The following CDH8 variants were observed in gnomAD, a reference collection of about 807,000 sequenced individuals.
The protein encoded by CDH8 is cadherin-8.
In CDH8, 17 loss-of-function variants were observed where a neutral mutation model predicts 68.1. The observed-to-expected ratio is 0.25, with a 90% CI of 0.17 to 0.37. The LOEUF (loss-of-function observed/expected upper bound fraction) is 0.37, where lower values mean the gene tolerates loss of function less well. Among genes scored for constraint, CDH8 ranks in the 10% least tolerant of loss-of-function variants. The probability of loss-of-function intolerance (pLI) is 1.00; values close to 1 mark genes in which losing one functional copy is unlikely to be tolerated. For missense variants in CDH8, 763 were observed against 999.3 expected (o/e 0.76, Z 3.19); for synonymous variants, 372 against 365.1 (o/e 1.02, Z -0.21).
intron 2 of CDH8, among the ~76,000 whole-genome samples, chr16:61,968,740 G>A (rs898645663): frequency 1.3e-5 from 2 of 152,194 alleles, no homozygotes; most frequent in Admixed American, 6.5e-5. Context: ...TGTCAGGGTT[G>A]GCCCAGGCCC....
chr16:61,847,847 A>G (rs981390490), intron 4 of CDH8, among the ~76,000 whole-genome samples: 20 of 151,384 alleles, frequency 1.3e-4, no homozygotes, highest in African/African-American at 4.9e-4. Flanking sequence ...CTATCAATCA[A>G]TCTGTCTGTC....
intron 2 of CDH8, among the ~76,000 whole-genome samples, chr16:62,004,142 G>T (rs891222998): frequency 6.6e-6 from 1 of 152,170 alleles, no homozygotes. Flanking sequence ...TGTCCAAGGC[G>T]TGAACTGTCT....
chr16:61,775,693 G>GTGTC (rs1006234522), intron 8 of CDH8, among the ~76,000 whole-genome samples: 2 of 152,056 alleles, frequency 1.3e-5, no homozygotes, highest in African/African-American at 2.4e-5. Flanking sequence ...GAGACAAGCT[G>GTGTC]TGTCTGCTAA....
chr16:61,956,055 A>C (rs1274965433), intron 2 of CDH8, among the ~76,000 whole-genome samples: 1 of 152,236 alleles, frequency 6.6e-6, no homozygotes, highest in Non-Finnish European at 1.5e-5. Flanking sequence ...ACTTAACTAC[A>C]TTAGTGTTCA....
intron 2 of CDH8, among the ~76,000 whole-genome samples, chr16:61,983,675 G>A (rs1965575620): frequency 6.6e-6 from 1 of 152,032 alleles, no homozygotes; most frequent in Admixed American, 6.6e-5. Flanking sequence ...TAATTTGCAT[G>A]TCATCTTAGT....
At chr16:61,800,920 T>G (rs574070539) in intron 7 of CDH8, among the ~76,000 whole-genome samples, 2 of 152,296 alleles carry the variant, frequency 1.3e-5, no homozygotes, top group Non-Finnish European at 2.9e-5. Context: ...CCATAAATAT[T>G]TGAACATCAG....
At chr16:61,923,660 G>A (rs1199009914) in intron 2 of CDH8, among the ~76,000 whole-genome samples, 1 of 150,654 alleles carries the variant, frequency 6.6e-6, no homozygotes, top group Non-Finnish European at 1.5e-5. Flanking sequence ...TCCCTGACCA[G>A]AATATTGTCA....
In CDH8 at chr16:61,767,065, T is replaced by C. The variant is rs143349061; in HGVS notation, c.1414+22281A>G. ...CTCTTGAAGAGTATGGAAATATTCA[T>C]ATTCTAAATGATATTTCTTCTGCTA... On this transcript the variant is annotated intron_variant, in intron 8 of 11. Transcript: ENST00000577390. Among the ~76,000 whole-genome samples, 962 of 152,080 alleles carry C rather than the reference T, an allele frequency of 6.3e-3. 9 individuals carry two copies. The highest frequency in any genetic ancestry group is 0.022 in the African/African-American group (926 of 41,544).
At chr16:61,750,072 G>T (rs1404256295) in intron 8 of CDH8, among the ~76,000 whole-genome samples, 1 of 151,936 alleles carries the variant, frequency 6.6e-6, no homozygotes, top group African/African-American at 2.4e-5. Flanking sequence ...CTCCCTCCCA[G>T]CTCTAGTAGT....
chr16:61,972,875 A>G (rs963401055), intron 2 of CDH8, among the ~76,000 whole-genome samples: 1 of 152,204 alleles, frequency 6.6e-6, no homozygotes, highest in Admixed American at 6.5e-5. Flanking sequence ...CAGAGAGAAA[A>G]GCATAACCAT....
Position 61,828,553 on chromosome 16 carries a change from G to C in CDH8, c.668-3374C>G, listed in dbSNP as rs190046917. ...TTTCTTAATTTTTTTAACATTCTAGGCTACCTGGTTCATCTGTCAATTTTT... is the reference window on the plus strand; with the variant it reads ...TTTCTTAATTTTTTTAACATTCTAGCCTACCTGGTTCATCTGTCAATTTTT... On this transcript the variant is annotated intron_variant, in intron 4 of 11. Coordinates refer to ENST00000577390, the MANE Select transcript of CDH8 (RefSeq NM_001796.5). Among the ~76,000 whole-genome samples the C allele has an allele frequency of 1.4e-4, 21 of 151,508 alleles. No homozygotes were observed. The East Asian group carries it at 3.9e-3, about 28-fold the overall frequency.
At chr16:62,019,733 A>G (rs547602456) in intron 2 of CDH8, among the ~76,000 whole-genome samples, 3 of 152,304 alleles carry the variant, frequency 2.0e-5, no homozygotes, top group African/African-American at 7.2e-5. Flanking sequence ...CTTAGGACAG[A>G]GGGAGTGCAG....
chr16:61,755,183 C>G (rs1235508960), intron 8 of CDH8, among the ~76,000 whole-genome samples: 1 of 152,044 alleles, frequency 6.6e-6, no homozygotes, highest in Non-Finnish European at 1.5e-5. Context: ...TAAATTCAGG[C>G]CCAGTGAAGA....
chr16:61,767,785 C>T (rs747457257), intron 8 of CDH8, among the ~76,000 whole-genome samples: 8 of 151,892 alleles, frequency 5.3e-5, no homozygotes, highest in Admixed American at 6.6e-5. Context: ...AGTCACTTAA[C>T]AATAAAGCTA....
At chr16:61,795,812 G>A (rs1961485080) in intron 7 of CDH8, among the ~76,000 whole-genome samples, 1 of 151,996 alleles carries the variant, frequency 6.6e-6, no homozygotes, top group Admixed American at 6.6e-5. Flanking sequence ...CTTACTATAG[G>A]TATCTCCATA....
chr16:61,659,689 C>T (rs1372404355), intron 10 of CDH8, among the ~76,000 whole-genome samples: 3 of 152,090 alleles, frequency 2.0e-5, no homozygotes, highest in Non-Finnish European at 4.4e-5. Flanking sequence ...GCATCATATG[C>T]TCTGCCCTAA....
intron 10 of CDH8, among the ~76,000 whole-genome samples, chr16:61,670,895 A>G (rs1020828768): frequency 6.6e-6 from 1 of 152,084 alleles, no homozygotes; most frequent in African/African-American, 2.4e-5. Flanking sequence ...CACAGTTCTC[A>G]GAACAGTGCA....
intron 8 of CDH8, 107 bp downstream of exon 8, chr16:61,789,239 C>T: frequency 1.0e-6 from 1 of 962,434 alleles, no homozygotes; most frequent in East Asian, 2.6e-5. Context: ...CAAATAAGTT[C>T]CAATGTCAAG....
chr16:61,773,666 TCTACACAGTGC>T (rs1446853974), intron 8 of CDH8, among the ~76,000 whole-genome samples: 3 of 152,174 alleles, frequency 2.0e-5, no homozygotes, highest in African/African-American at 4.8e-5. Flanking sequence ...TCTCAAGAGA[TCTACACAGTGC>T]CTGGCCCAAA....
Sources: gnomAD v4.1 joint callset for allele counts (sites outside exome capture counted in the v4.1 genomes callset) on GRCh38, gnomAD v4.1.1 for gene constraint, MANE v1.5 for transcripts, NCBI Gene and HGNC (gene_info 2026-07-23, HGNC 2026-07-21) for gene names.